The following ERG variants were observed in gnomAD, a reference collection of about 807,000 sequenced individuals.
ERG encodes the protein ETS transcription factor ERG, also known as transcriptional regulator ERG.
Under a neutral mutation model 55.3 loss-of-function variants are expected in ERG, and 9 were observed. The observed-to-expected ratio is 0.16, with a 90% CI of 0.10 to 0.28. The LOEUF is 0.28. Ranked by LOEUF, ERG falls within the 10% of genes least tolerant of loss-of-function variation. ERG has a pLI of 1.00. For synonymous variants in ERG, 223 were observed against 237.3 expected, an observed-to-expected ratio of 0.94 and a Z score of 0.55; for missense variants, 434 against 631.6, an observed-to-expected ratio of 0.69 and a Z score of 3.35.
intron 1 of ERG, among the ~76,000 whole-genome samples, chr21:38,492,506 ATTTAAG>A (rs1489123998): frequency 2.6e-5 from 4 of 152,246 alleles, no homozygotes; most frequent in African/African-American, 7.2e-5. Flanking sequence ...AATAATTAAA[ATTTAAG>A]TTTATGTTTT....
intron 1 of ERG, among the ~76,000 whole-genome samples, chr21:38,612,506 T>C (rs973130578): frequency 1.3e-5 from 2 of 152,212 alleles, no homozygotes; most frequent in African/African-American, 4.8e-5. Flanking sequence ...AGAGCATCTG[T>C]ACATATTAAA....
At chr21:38,578,645 C>T (rs1026956886) in intron 1 of ERG, among the ~76,000 whole-genome samples, 2 of 152,072 alleles carry the variant, frequency 1.3e-5, no homozygotes, top group Non-Finnish European at 2.9e-5. Context: ...GAGGCAGAGT[C>T]ACCCACCCCA....
chr21:38,569,779 T>C (rs968134272), intron 2 of ERG, among the ~76,000 whole-genome samples: 4 of 152,166 alleles, frequency 2.6e-5, no homozygotes, highest in African/African-American at 9.7e-5. Context: ...TCAACACATA[T>C]TACGTTTCTC....
chr21:38,606,876 A>T (rs1441614106), intron 1 of ERG, among the ~76,000 whole-genome samples: 2 of 152,212 alleles, frequency 1.3e-5, no homozygotes, highest in Non-Finnish European at 1.5e-5. Flanking sequence ...AATTATTCAG[A>T]AGATATATTT....
intron 1 of ERG, among the ~76,000 whole-genome samples, chr21:38,602,363 T>C (rs1468488821): frequency 6.6e-6 from 1 of 151,978 alleles, no homozygotes; most frequent in Admixed American, 6.6e-5. Context: ...AAGAATCCCT[T>C]GAACCTGGGA....
chr21:38,573,565 C>G (rs982241985), intron 2 of ERG, among the ~76,000 whole-genome samples: 35 of 152,332 alleles, frequency 2.3e-4, no homozygotes, highest in East Asian at 3.9e-4. Flanking sequence ...ATGTGCACAT[C>G]CAGGCATAGT....
intron 2 of ERG, among the ~76,000 whole-genome samples, chr21:38,428,135 C>A (rs2146515043): frequency 6.7e-6 from 1 of 150,254 alleles, no homozygotes; most frequent in South Asian, 2.1e-4. Flanking sequence ...GAGCTGAGAT[C>A]ATGCTACTGC....
intron 1 of ERG, among the ~76,000 whole-genome samples, chr21:38,475,263 G>A (rs2059176908): frequency 6.6e-6 from 1 of 152,166 alleles, no homozygotes; most frequent in Admixed American, 6.5e-5. Flanking sequence ...GAAGGGAAGG[G>A]AAGCTAAATA....
chr21:38,418,081 C>T (rs1989361023), intron 3 of ERG, among the ~76,000 whole-genome samples: 1 of 151,930 alleles, frequency 6.6e-6, no homozygotes, highest in Non-Finnish European at 1.5e-5. Flanking sequence ...TCCTTTTTGT[C>T]TACTTGCCTT....
At chr21:38,604,436 A>C (rs983913868) in intron 1 of ERG, among the ~76,000 whole-genome samples, 1 of 152,186 alleles carries the variant, frequency 6.6e-6, no homozygotes, top group Non-Finnish European at 1.5e-5. Flanking sequence ...CAAATGTAAA[A>C]TGAAGATAGT....
chr21:38,607,687 T>C (rs755456585), intron 1 of ERG, among the ~76,000 whole-genome samples: 13 of 152,160 alleles, frequency 8.5e-5, no homozygotes, highest in Non-Finnish European at 1.5e-4. Flanking sequence ...TGGATATATA[T>C]GCATCTTAAA....
intron 1 of ERG, among the ~76,000 whole-genome samples, chr21:38,633,103 A>T (rs1382950043): frequency 1.3e-5 from 2 of 151,796 alleles, no homozygotes; most frequent in African/African-American, 4.8e-5. Flanking sequence ...GAGGACATTA[A>T]GCTAAGAAAT....
chr21:38,497,244 A>C (rs1601138680), intron 1 of ERG, among the ~76,000 whole-genome samples: 1 of 152,326 alleles, frequency 6.6e-6, no homozygotes, highest in African/African-American at 2.4e-5. Context: ...AAAATACCAA[A>C]CCAAAGAGTA....
intron 2 of ERG, among the ~76,000 whole-genome samples, chr21:38,521,446 G>A (rs955750765): frequency 5.3e-5 from 8 of 152,038 alleles, no homozygotes; most frequent in African/African-American, 9.7e-5. Flanking sequence ...ACTATGTGAC[G>A]CCACCTCCAA....
At chr21:38,549,761 A>T (rs2059812039) in intron 2 of ERG, among the ~76,000 whole-genome samples, 2 of 152,262 alleles carry the variant, frequency 1.3e-5, no homozygotes, top group African/African-American at 4.8e-5. Flanking sequence ...GATTTCTTTG[A>T]ACACAGACTG....
chr21:38,545,851 C>G (rs1280046617), intron 2 of ERG, among the ~76,000 whole-genome samples: 1 of 152,218 alleles, frequency 6.6e-6, no homozygotes, highest in African/African-American at 2.4e-5. Flanking sequence ...CACAGTGTCT[C>G]ATTAACTCCA....
At chr21:38,476,406 A>C (rs762902332) in intron 1 of ERG, among the ~76,000 whole-genome samples, 16 of 152,138 alleles carry the variant, frequency 1.1e-4, no homozygotes, top group Non-Finnish European at 1.9e-4. Flanking sequence ...CCAGCGAAAC[A>C]TGTTCTCCTA....
chr21:38,634,165 A>C (rs1345701389), intron 1 of ERG, among the ~76,000 whole-genome samples: 1 of 152,364 alleles, frequency 6.6e-6, no homozygotes, highest in Admixed American at 6.5e-5. Context: ...GCTTTGAAAT[A>C]AATGAAGATA....
chr21:38,538,535 G>T (rs1007588362), intron 2 of ERG, among the ~76,000 whole-genome samples: 1 of 152,082 alleles, frequency 6.6e-6, no homozygotes, highest in African/African-American at 2.4e-5. Context: ...GAGCTGCACT[G>T]GGAGAGGCAT....
Sources: gnomAD v4.1 joint callset for allele counts (sites outside exome capture counted in the v4.1 genomes callset) on GRCh38, gnomAD v4.1.1 for gene constraint, MANE v1.5 for transcripts, NCBI Gene and HGNC (gene_info 2026-07-23, HGNC 2026-07-21) for gene names.